PKIB: variants seen among roughly 807,000 people sequenced by gnomAD.
PKIB encodes cAMP-dependent protein kinase inhibitor beta, also known as PKI-beta.
PKIB carries 2 observed loss-of-function variants against 4.5 expected under a neutral mutation model. That is an observed-to-expected ratio of 0.44 (90% CI 0.18 to 1.39). The LOEUF is 1.39. Among genes scored for constraint, PKIB ranks in the 40% most tolerant of loss-of-function variants. The probability of loss-of-function intolerance (pLI) is 0.27; values close to 1 mark genes in which losing one functional copy is unlikely to be tolerated. For missense variants in PKIB, 94 were observed against 92.6 expected, an observed-to-expected ratio of 1.02 and a Z score of -0.06; for synonymous variants, 38 against 36.0, an observed-to-expected ratio of 1.06 and a Z score of -0.20.
intron 2 of PKIB, among the ~76,000 whole-genome samples, chr6:122,492,929 T>G (rs1355730253): frequency 6.6e-6 from 1 of 152,148 alleles, no homozygotes; most frequent in Non-Finnish European, 1.5e-5. Context: ...TACATTTTAG[T>G]CAGAAGATAT....
At chr6:122,524,824 CCT>C (rs769119783) in intron 2 of PKIB, among the ~76,000 whole-genome samples, 23 of 151,504 alleles carry the variant, frequency 1.5e-4, no homozygotes, top group Non-Finnish European at 3.1e-4. Flanking sequence ...TGTAATATCC[CCT>C]CTTTGTTTCT....
At chr6:122,716,715 C>G (rs1262317093) in intron 3 of PKIB, among the ~76,000 whole-genome samples, 1 of 152,180 alleles carries the variant, frequency 6.6e-6, no homozygotes, top group East Asian at 1.9e-4. Context: ...GTTACTCCCT[C>G]CAACTACCAT....
chr6:122,546,288 A>C (rs1252242328), intron 2 of PKIB, among the ~76,000 whole-genome samples: 2 of 151,942 alleles, frequency 1.3e-5, no homozygotes, highest in Non-Finnish European at 2.9e-5. Context: ...GGTTGGACCC[A>C]ATACATCCTA....
At chr6:122,706,414 C>A (rs569577285) in intron 3 of PKIB, among the ~76,000 whole-genome samples, 37 of 152,250 alleles carry the variant, frequency 2.4e-4, no homozygotes, top group African/African-American at 8.4e-4. Context: ...GTTTCTATCA[C>A]AATGCTTAGT....
At chr6:122,478,671 C>T (rs879090871) in intron 2 of PKIB, 1 of 152,068 alleles carries the variant, frequency 6.6e-6, no homozygotes, top group Admixed American at 6.6e-5. Flanking sequence ...CTTTCACATA[C>T]AAATGGAGTC....
intron 3 of PKIB, among the ~76,000 whole-genome samples, chr6:122,683,113 C>T (rs1472919298): frequency 1.3e-5 from 2 of 152,152 alleles, no homozygotes; most frequent in African/African-American, 2.4e-5. Flanking sequence ...TAAATCAGTA[C>T]ACATTATGAT....
At chr6:122,629,598 A>G (rs1451051642) in intron 1 of PKIB, among the ~76,000 whole-genome samples, 1 of 152,140 alleles carries the variant, frequency 6.6e-6, no homozygotes, top group Non-Finnish European at 1.5e-5. Flanking sequence ...CAGGAGACAG[A>G]CTAACTTTTC....
intron 3 of PKIB, among the ~76,000 whole-genome samples, chr6:122,590,359 A>G (rs1341511147): frequency 1.3e-5 from 2 of 152,204 alleles, no homozygotes; most frequent in Non-Finnish European, 2.9e-5. Context: ...TGGTTCCACC[A>G]TTTACAGATT....
At chr6:122,695,789 G>A (rs1319010168) in intron 3 of PKIB, among the ~76,000 whole-genome samples, 1 of 152,102 alleles carries the variant, frequency 6.6e-6, no homozygotes, top group Non-Finnish European at 1.5e-5. Context: ...CTTAGGGCAA[G>A]TTTCTTAATA....
chr6:122,508,021 GA>G (rs999477570), intron 2 of PKIB, among the ~76,000 whole-genome samples: 2 of 152,048 alleles, frequency 1.3e-5, no homozygotes, highest in African/African-American at 2.4e-5. Flanking sequence ...TTTAAGATTT[GA>G]TTGGCTTGTT....
intron 2 of PKIB, among the ~76,000 whole-genome samples, chr6:122,637,482 T>C (rs1345996043): frequency 6.6e-6 from 1 of 152,070 alleles, no homozygotes; most frequent in Non-Finnish European, 1.5e-5. Flanking sequence ...GAAGGCCAGG[T>C]GCGGTGGCTC....
chr6:122,590,531 G>A (rs1390991783), intron 3 of PKIB, among the ~76,000 whole-genome samples: 4 of 152,160 alleles, frequency 2.6e-5, no homozygotes, highest in Admixed American at 2.0e-4. Flanking sequence ...CTACAGAAGA[G>A]TTACTTTTTT....
At chr6:122,611,717 T>C (rs1404095719) in intron 1 of PKIB, among the ~76,000 whole-genome samples, 2 of 152,200 alleles carry the variant, frequency 1.3e-5, no homozygotes, top group Non-Finnish European at 2.9e-5. Flanking sequence ...TGGGATTTTA[T>C]ATTTAGAAAG....
intron 2 of PKIB, among the ~76,000 whole-genome samples, chr6:122,529,262 A>C (rs546256105): frequency 4.8e-4 from 73 of 152,268 alleles, no homozygotes; most frequent in South Asian, 3.9e-3. Flanking sequence ...ATTACGTAAA[A>C]CATCTTAAGT....
chr6:122,585,296 A>T (rs1489841645), intron 2 of PKIB, among the ~76,000 whole-genome samples: 1 of 152,102 alleles, frequency 6.6e-6, no homozygotes, highest in Non-Finnish European at 1.5e-5. Context: ...TTTATGATCA[A>T]TGCAAGAGTC....
At chr6:122,491,452 C>G (rs1302573377) in intron 2 of PKIB, among the ~76,000 whole-genome samples, 2 of 152,140 alleles carry the variant, frequency 1.3e-5, no homozygotes, top group East Asian at 3.9e-4. Flanking sequence ...CTGACCATCA[C>G]CTGATGGTCA....
At chr6:122,576,894 G>A (rs1773559055) in intron 2 of PKIB, among the ~76,000 whole-genome samples, 1 of 151,544 alleles carries the variant, frequency 6.6e-6, no homozygotes, top group Non-Finnish European at 1.5e-5. Context: ...ATCAGAAGGA[G>A]AGCAAATAAA....
chr6:122,644,237 A>G (rs1485551058), intron 2 of PKIB: 1 of 152,174 alleles, frequency 6.6e-6, no homozygotes, highest in Non-Finnish European at 1.5e-5. Flanking sequence ...GCTTGTGACA[A>G]TTGACTGGTC....
intron 3 of PKIB, among the ~76,000 whole-genome samples, chr6:122,597,894 A>C (rs1022868126): frequency 6.6e-6 from 1 of 151,790 alleles, no homozygotes; most frequent in Non-Finnish European, 1.5e-5. Context: ...TAATTACCTG[A>C]CCTCCGTAAG....
Sources: gnomAD v4.1 joint callset for allele counts (sites outside exome capture counted in the v4.1 genomes callset) on GRCh38, gnomAD v4.1.1 for gene constraint, MANE v1.5 for transcripts, NCBI Gene and HGNC (gene_info 2026-07-23, HGNC 2026-07-21) for gene names.